The following PAGE1 variants were observed in gnomAD, a reference collection of about 807,000 sequenced individuals.
PAGE1 encodes the protein PAGE family member 1, also known as P antigen family member 1.
In PAGE1, 6 loss-of-function variants were observed where a neutral mutation model predicts 11.5. The ratio of observed to expected loss-of-function variants is 0.52; its 90% CI spans 0.29 to 1.03. The LOEUF (loss-of-function observed/expected upper bound fraction) is 1.03. PAGE1 is among the 50% of genes least tolerant of loss of function. The probability of loss-of-function intolerance (pLI) is 0.09; values close to 1 mark genes in which losing one functional copy is unlikely to be tolerated. For missense variants in PAGE1, 120 were observed against 110.2 expected (o/e 1.09, Z -0.40); for synonymous variants, 42 against 40.2 (o/e 1.05, Z -0.17).
chrX:49,689,634 A>G, intron 4 of PAGE1, 91 bp from the exon 5 acceptor site: 1 of 99,862 alleles, frequency 1.0e-5, no homozygotes, highest in Non-Finnish European at 1.6e-5. Flanking sequence ...ATATATACAT[A>G]TACATATATA....
chrX:49,689,560 AAAAAAAAAAAAAAAAATATATAT>A lies in PAGE1; in HGVS notation c.293-40_293-18del, dbSNP rs1387738284. 2 of 182,437 alleles carry A rather than the reference AAAAAAAAAAAAAAAAATATATAT, an allele frequency of 1.1e-5. No individual in the cohort carries two copies. Among genetic ancestry groups the A allele is most frequent in the Admixed American group, 2.3e-4 (1 of 4,275 alleles). The allele number at this position is 182,437 out of a possible 1,213,427, so 15.0% of individuals were successfully genotyped here. On this transcript the variant is annotated intron_variant, in intron 4 of 5. Coordinates refer to ENST00000376150, the MANE Select transcript of PAGE1 (RefSeq NM_003785.4). Reference sequence around the variant, plus strand: ...GCTCTGGCCCTTAAAAAAAAAAAAAAAAAAAAAAAAAAAAAATATATATATATATATATATATATATATATATA... The same window carrying A: ...GCTCTGGCCCTTAAAAAAAAAAAAAAATATATATATATATATATATATATA...
chrX:49,690,029 A>G (rs2066911505), intron 4 of PAGE1, among the ~76,000 whole-genome samples: 1 of 68,924 alleles, frequency 1.5e-5, no homozygotes. Flanking sequence ...ATATACACAC[A>G]TATATATGTG....
At chrX:49,690,035 A>ATG (rs2066911629) in intron 4 of PAGE1, among the ~76,000 whole-genome samples, 1 of 66,008 alleles carries the variant, frequency 1.5e-5, no homozygotes, top group Non-Finnish European at 2.7e-5. Context: ...ACACATATAT[A>ATG]TGTGTATATA....
At chrX:49,695,292 C>A (rs2066937268) in intron 1 of PAGE1, among the ~76,000 whole-genome samples, 1 of 112,465 alleles carries the variant, frequency 8.9e-6, no homozygotes, top group Admixed American at 9.4e-5. Context: ...ATTCACCCCC[C>A]TCAAATCAAG....
intron 2 of PAGE1, 37 bp from the exon 3 acceptor site, chrX:49,694,238 C>A: frequency 1.2e-6 from 1 of 861,624 alleles, no homozygotes; most frequent in Non-Finnish European, 1.7e-6. Flanking sequence ...TGTGCAAAGA[C>A]AAAAAGTTTT....
intron 4 of PAGE1, 54 bp from the exon 5 acceptor site, chrX:49,689,597 T>TATATATATATATATACATATAC (rs2066899878): frequency 1.6e-5 from 1 of 62,863 alleles, no homozygotes; most frequent in African/African-American, 9.5e-5. Flanking sequence ...TATATATATA[T>TATATATATATATATACATATAC]ATATATATAT....
intron 5 of PAGE1, 101 bp from the exon 6 acceptor site, chrX:49,687,664 T>C (rs904468816): frequency 8.0e-6 from 6 of 752,075 alleles, no homozygotes; most frequent in East Asian, 3.3e-5. Context: ...TTTTATAAAA[T>C]GGACTAAAAA....
chrX:49,694,649 T>C, intron 2 of PAGE1, 59 bp downstream of exon 2: 1 of 786,335 alleles, frequency 1.3e-6, no homozygotes, highest in Non-Finnish European at 1.9e-6. Context: ...AAAATTAATT[T>C]CTGCTAATAG....
chrX:49,689,834 ATG>A (rs1233064570), intron 4 of PAGE1, among the ~76,000 whole-genome samples: 4 of 61,625 alleles, frequency 6.5e-5, no homozygotes, highest in Admixed American at 4.0e-4. Context: ...ATGTGTATAT[ATG>A]TGTGTATATA....
intron 4 of PAGE1, among the ~76,000 whole-genome samples, chrX:49,690,382 A>G (rs1160348911): frequency 9.2e-6 from 1 of 108,951 alleles, no homozygotes; most frequent in African/African-American, 3.3e-5. Context: ...CTGCCTTTGC[A>G]CTTCTTTATT....
At position 49,689,546 on chromosome X, in the gene PAGE1, TAAAAAAAAAAAAAA is replaced by T. The variant is rs782211346; in HGVS notation, c.293-17_293-4del. The T allele has an allele frequency of 2.5e-5, 7 of 281,666 alleles. No homozygotes were observed. The African/African-American group carries it at 4.3e-4, about 17-fold the overall frequency. 23.2% of individuals were successfully genotyped at this position (281,666 alleles called of 1,213,427 possible). A position where few individuals can be genotyped will look rare whatever the true frequency, so the allele number is the denominator to read the frequency against. ...GCTATCCGCTTCAGGCTCTGGCCCT[TAAAAAAAAAAAAAA>T]AAAAAAAAAAAAAAAATATATATAT... On this transcript the variant is annotated splice_region_variant and splice_polypyrimidine_tract_variant and intron_variant, in intron 4 of 5. Transcript: ENST00000376150.
At chrX:49,693,970 T>C in intron 3 of PAGE1, 129 bp downstream of exon 3, 1 of 383,875 alleles carries the variant, frequency 2.6e-6, no homozygotes, top group East Asian at 4.6e-5. Context: ...TTTCTAGGCA[T>C]CGTTTGCATG....
At position 49,694,702 on chromosome X, in the gene PAGE1, A is replaced by G; in HGVS notation, c.63+6T>C. The G allele has an allele frequency of 8.6e-7, 1 of 1,169,435 alleles. No individual in the cohort carries two copies. The highest frequency in any genetic ancestry group is 1.2e-6 in the Non-Finnish European group (1 of 862,257). On this transcript the variant is annotated splice_donor_region_variant and intron_variant, in intron 2 of 5. Coordinates refer to ENST00000376150, the MANE Select transcript of PAGE1 (RefSeq NM_003785.4). ...TTAAAGCACTCAACAGCATAGGCCCAATTACCTCAGAAGATTCTACATAGA... is the reference window on the plus strand; with the variant it reads ...TTAAAGCACTCAACAGCATAGGCCCGATTACCTCAGAAGATTCTACATAGA...
rs1364296060 is a variant in PAGE1 at position 49,689,737 on chromosome X, C to CAT, written c.293-196_293-195dup. Among the ~76,000 whole-genome samples, 22 of 56,204 alleles carry CAT rather than the reference C, an allele frequency of 3.9e-4. 1 individual carries two copies. The highest frequency in any genetic ancestry group is 4.4e-4 in the Non-Finnish European group (15 of 34,447). The allele number at this position is 56,204 out of a possible 115,157, so 48.8% of individuals were successfully genotyped here. Reference sequence around the variant, plus strand: ...ATATGTATATATGTATATATACACACATATATGTATATGTGTATATATACA... The same window carrying CAT: ...ATATGTATATATGTATATATACACACATATATATGTATATGTGTATATATACA... On this transcript the variant is annotated intron_variant, in intron 4 of 5. Transcript: ENST00000376150.
intron 5 of PAGE1, among the ~76,000 whole-genome samples, chrX:49,688,408 G>C (rs1281811853): frequency 9.0e-6 from 1 of 110,547 alleles, no homozygotes; most frequent in Non-Finnish European, 1.9e-5. Flanking sequence ...CACTCTGTCA[G>C]AGCGACAATT....
Position 49,691,335 on chromosome X carries a change from G to A in PAGE1, c.206C>T (p.Pro69Leu), listed in dbSNP as rs918657443. ...ATCTCCAAGCTCACACCCAGTCTTTGGCTGAACCAGTTCCTGGCTATCAGC... is the reference window on the plus strand; with the variant it reads ...ATCTCCAAGCTCACACCCAGTCTTTAGCTGAACCAGTTCCTGGCTATCAGC... The part of the protein sequence containing the change: ...PEADSQELVQ[P>L]KTGCELGDGP... The change falls in exon 4 of 6, where the codon CCA becomes CTA. Residue 69 changes from proline (P) to leucine (L), a missense_variant. Physicochemically the swap from Pro to Leu is moderately conservative, Grantham distance 98. Coordinates refer to ENST00000376150, the MANE Select transcript of PAGE1 (RefSeq NM_003785.4). 14 of 1,206,202 alleles carry A rather than the reference G, an allele frequency of 1.2e-5. No individual in the cohort carries two copies. The highest frequency in any genetic ancestry group is 1.1e-4 in the Admixed American group (5 of 45,593).
At chrX:49,694,303 G>A in intron 2 of PAGE1, 102 bp from the exon 3 acceptor site, 1 of 456,218 alleles carries the variant, frequency 2.2e-6, no homozygotes, top group Non-Finnish European at 3.8e-6. Context: ...ATGCATAGAT[G>A]TTTCTGATCA....
At position 49,691,297 on chromosome X, in the gene PAGE1, T is replaced by C. The variant is rs868930525; in HGVS notation, c.244A>G (p.Lys82Glu). ...TCTTCATTTCGCAGGCACACCCTCT[T>C]GGTATCAGGACCATCTCCAAGCTCA... ...GCELGDGPDTKRVCLRNEEQM... is the reference protein window; with the variant it reads ...GCELGDGPDTERVCLRNEEQM... Residue 82 changes from lysine (K) to glutamate (E), a missense_variant, in exon 4 of 6, where the codon AAG (lysine) becomes GAG (glutamate). Physicochemically the swap from Lys to Glu is moderately conservative, Grantham distance 56 (BLOSUM62 1). Transcript: ENST00000376150. 31 of 1,210,469 alleles carry C rather than the reference T, an allele frequency of 2.6e-5. No homozygotes were observed. Among genetic ancestry groups the C allele is most frequent in the Non-Finnish European group, 3.5e-5 (31 of 894,379 alleles).
chrX:49,688,655 G>A (rs1694167095), intron 5 of PAGE1, among the ~76,000 whole-genome samples: 1 of 111,472 alleles, frequency 9.0e-6, no homozygotes, highest in African/African-American at 3.3e-5. Flanking sequence ...AATGGAAAAG[G>A]ATTTTAAAAT....
Sources: gnomAD v4.1 joint callset for allele counts (sites outside exome capture counted in the v4.1 genomes callset) on GRCh38, gnomAD v4.1.1 for gene constraint, MANE v1.5 for transcripts, NCBI Gene and HGNC (gene_info 2026-07-23, HGNC 2026-07-21) for gene names.